CCSER1: variants seen among roughly 807,000 people sequenced by gnomAD.
CCSER1 encodes the protein coiled-coil serine rich protein 1, also known as serine-rich coiled-coil domain-containing protein 1.
A neutral mutation model predicts 82.0 loss-of-function variants in CCSER1; 41 were observed. The ratio of observed to expected loss-of-function variants is 0.50; its 90% CI spans 0.39 to 0.65. The LOEUF (loss-of-function observed/expected upper bound fraction) is 0.65, where lower values mean the gene tolerates loss of function less well. CCSER1 is among the 30% of genes least tolerant of loss of function. The pLI is 0.00. For missense variants in CCSER1, 1,119 were observed against 1,064.2 expected, an observed-to-expected ratio of 1.05 and a Z score of -0.72; for synonymous variants, 414 against 383.9, an observed-to-expected ratio of 1.08 and a Z score of -0.92.
intron 5 of CCSER1, among the ~76,000 whole-genome samples, chr4:90,572,882 T>A (rs956667945): frequency 6.6e-6 from 1 of 152,236 alleles, no homozygotes; most frequent in African/African-American, 2.4e-5. Context: ...GTCTTGTTTT[T>A]CTAATTATTC....
In CCSER1 at chr4:90,723,921, A is replaced by G. The variant is rs562246982; in HGVS notation, c.1940A>G (p.Asp647Gly). The change falls in exon 7 of 11, where the codon GAC becomes GGC. Residue 647 changes from aspartate to glycine, a missense_variant. Asp to Gly is a moderately conservative substitution (Grantham distance 94). Coordinates refer to ENST00000509176, the MANE Select transcript of CCSER1 (RefSeq NM_001145065.2). ...ATTTCACTGTCCTTGCAGAGTGCAG[A>G]CATGAGTCCAGCAAGCAGTACCACG... ...KMKRVLQESADMSPASSTTSL... is the reference protein window; with the variant it reads ...KMKRVLQESAGMSPASSTTSL... The G allele has an allele frequency of 5.4e-5, 84 of 1,568,150 alleles. No individual in the cohort carries two copies. Among genetic ancestry groups the G allele is most frequent in the Non-Finnish European group, 6.9e-5 (80 of 1,153,072 alleles).
At chr4:90,326,363 A>T in intron 3 of CCSER1, among the ~76,000 whole-genome samples, 1 of 152,102 alleles carries the variant, frequency 6.6e-6, no homozygotes. Context: ...CCCAGCCGAT[A>T]ACTTTTTGTT....
At chr4:90,860,628 A>G (rs1764977004) in intron 8 of CCSER1, among the ~76,000 whole-genome samples, 1 of 151,768 alleles carries the variant, frequency 6.6e-6, no homozygotes, top group Non-Finnish European at 1.5e-5. Flanking sequence ...AATAATGCAA[A>G]TGTTCATCAA....
intron 8 of CCSER1, among the ~76,000 whole-genome samples, chr4:90,818,084 A>T (rs1300183001): frequency 2.0e-5 from 3 of 152,094 alleles, no homozygotes; most frequent in Non-Finnish European, 4.4e-5. Flanking sequence ...AATTGTATCT[A>T]CATGTATGCT....
intron 6 of CCSER1, among the ~76,000 whole-genome samples, chr4:90,664,734 C>T (rs939356166): frequency 6.6e-6 from 1 of 152,062 alleles, no homozygotes; most frequent in African/African-American, 2.4e-5. Flanking sequence ...AACCCCATCT[C>T]TACTAAAAAC....
chr4:90,780,678 A>G, intron 7 of CCSER1: 1 of 1,335,766 alleles, frequency 7.5e-7, no homozygotes, highest in Non-Finnish European at 9.5e-7. Context: ...TGAACTAAGG[A>G]GGCTCTGTAA....
At chr4:91,271,414 C>T (rs1038827339) in intron 10 of CCSER1, among the ~76,000 whole-genome samples, 3 of 152,106 alleles carry the variant, frequency 2.0e-5, no homozygotes, top group Non-Finnish European at 4.4e-5. Context: ...ATCTCTCACC[C>T]CCTTCCCACC....
intron 10 of CCSER1, among the ~76,000 whole-genome samples, chr4:91,292,012 G>A (rs1380434486): frequency 6.6e-6 from 1 of 151,918 alleles, no homozygotes; most frequent in Non-Finnish European, 1.5e-5. Flanking sequence ...TTCTGTTAAA[G>A]CATCATGTCC....
At chr4:91,357,792 A>AT (rs201725584) in intron 10 of CCSER1, among the ~76,000 whole-genome samples, 33,236 of 142,976 alleles carry the variant, frequency 0.23, 4,312 homozygotes, top group Middle Eastern at 0.4. Context: ...TATTACAAAC[A>AT]TTTTTTTTTT....
At chr4:91,164,976 G>A (rs1277213343) in intron 10 of CCSER1, among the ~76,000 whole-genome samples, 3 of 152,116 alleles carry the variant, frequency 2.0e-5, no homozygotes, top group East Asian at 3.9e-4. Flanking sequence ...TTCCATTGCT[G>A]GCGAGGAGCT....
intron 6 of CCSER1, among the ~76,000 whole-genome samples, chr4:90,670,426 G>A (rs1216093771): frequency 6.6e-6 from 1 of 152,110 alleles, no homozygotes; most frequent in Non-Finnish European, 1.5e-5. Flanking sequence ...ATCTCATGGG[G>A]ATAAGAAGGA....
rs571612553 is a variant in CCSER1, at chr4:90,654,991, A to G, written c.1932+26759A>G. Among the ~76,000 whole-genome samples, 819 of 152,194 alleles carry G rather than the reference A, an allele frequency of 5.4e-3. 5 individuals are homozygous for G. Among genetic ancestry groups the G allele is most frequent in the Non-Finnish European group, 6.7e-3 (452 of 67,920 alleles). On this transcript the variant is annotated intron_variant, in intron 6 of 10. Coordinates refer to ENST00000509176, the MANE Select transcript of CCSER1 (RefSeq NM_001145065.2). ...AAATATTATCAAAATATTATTTTGC[A>G]TATTTAAATTTAGATTATTCTAGCA...
At chr4:91,425,584 G>C (rs1189802061) in intron 10 of CCSER1, among the ~76,000 whole-genome samples, 1 of 151,850 alleles carries the variant, frequency 6.6e-6, no homozygotes, top group Non-Finnish European at 1.5e-5. Context: ...ATCTTCTTTA[G>C]GACAAAATGG....
At chr4:91,215,456 G>A (rs964420320) in intron 10 of CCSER1, among the ~76,000 whole-genome samples, 5 of 152,194 alleles carry the variant, frequency 3.3e-5, no homozygotes, top group African/African-American at 1.2e-4. Flanking sequence ...TCCCACAATA[G>A]TCTGTCTGCA....
At chr4:90,338,846 ACATCATATC>A (rs1740876595) in intron 3 of CCSER1, among the ~76,000 whole-genome samples, 2 of 152,126 alleles carry the variant, frequency 1.3e-5, no homozygotes, top group Non-Finnish European at 2.9e-5. Context: ...TATTGTATTG[ACATCATATC>A]AAAGTCCAGA....
Position 90,665,649 on chromosome 4 carries a change from G to A in CCSER1, c.1932+37417G>A, listed in dbSNP as rs371392577. ...TGCTGAGATTTGAGGGGTAAAGGAA[G>A]TATATTTCCAGCTGAGGGAAATGCT... On this transcript the variant is annotated intron_variant, in intron 6 of 10. Coordinates refer to ENST00000509176, the MANE Select transcript of CCSER1 (RefSeq NM_001145065.2). Among the ~76,000 whole-genome samples the A allele has an allele frequency of 5.6e-4, 85 of 152,306 alleles. 3 individuals carry two copies. The South Asian group carries it at 0.016, about 29-fold the overall frequency.
intron 5 of CCSER1, among the ~76,000 whole-genome samples, chr4:90,508,075 G>A (rs1368379313): frequency 1.3e-5 from 2 of 152,030 alleles, no homozygotes; most frequent in Non-Finnish European, 2.9e-5. Flanking sequence ...TGGTTTCATT[G>A]TGTGGTTTTA....
At chr4:90,798,625 T>C (rs183555530) in intron 7 of CCSER1, among the ~76,000 whole-genome samples, 97 of 152,340 alleles carry the variant, frequency 6.4e-4, no homozygotes, top group African/African-American at 2.2e-3. Context: ...CTTCAGTGTT[T>C]GATATTGCTG....
At chr4:90,967,426 G>A (rs1421398614) in intron 9 of CCSER1, among the ~76,000 whole-genome samples, 2 of 151,870 alleles carry the variant, frequency 1.3e-5, no homozygotes. Flanking sequence ...TCCAGCCTGG[G>A]CGACAGAGCA....
Sources: gnomAD v4.1 joint callset for allele counts (sites outside exome capture counted in the v4.1 genomes callset) on GRCh38, gnomAD v4.1.1 for gene constraint, MANE v1.5 for transcripts, NCBI Gene and HGNC (gene_info 2026-07-23, HGNC 2026-07-21) for gene names.